PTBP3: variants seen among roughly 807,000 people sequenced by gnomAD.
PTBP3 encodes the protein polypyrimidine tract binding protein 3, also known as polypyrimidine tract-binding protein 3.
Under a neutral mutation model 58.7 loss-of-function variants are expected in PTBP3, and 20 were observed. The observed-to-expected ratio is 0.34, with a 90% CI of 0.24 to 0.50. The LOEUF is 0.50. Ranked by LOEUF, PTBP3 falls within the 20% of genes least tolerant of loss-of-function variation. PTBP3 has a pLI of 0.98. For synonymous variants in PTBP3, 185 were observed against 219.8 expected (o/e 0.84, Z 1.40); for missense variants, 509 against 637.2 (o/e 0.80, Z 2.17).
intron 8 of PTBP3, among the ~76,000 whole-genome samples, chr9:112,232,656 C>A (rs1051376888): frequency 3.3e-5 from 5 of 152,092 alleles, no homozygotes; most frequent in African/African-American, 1.2e-4. Context: ...AGCAGAAAGT[C>A]AAAAACATGC....
At chr9:112,360,081 A>C in the PTBP3 span, among the ~76,000 whole-genome samples, 34 of 152,330 alleles carry the variant, frequency 2.2e-4, no homozygotes, top group African/African-American at 7.9e-4. Context: ...TTACTAATTA[A>C]ATAATGACTG....
intron 1 of PTBP3, among the ~76,000 whole-genome samples, chr9:112,333,202 G>A (rs567709482): frequency 6.6e-6 from 1 of 152,300 alleles, no homozygotes; most frequent in African/African-American, 2.4e-5. Context: ...GCTTTCCTCT[G>A]CTCCCGGGTG....
chr9:112,251,583 ACCTACCACTTATTTTTTTC>A (rs1431133317), intron 6 of PTBP3, among the ~76,000 whole-genome samples: 1 of 152,154 alleles, frequency 6.6e-6, no homozygotes, highest in East Asian at 1.9e-4. Context: ...ATAAAATATT[ACCTACCACTTATTTTTTTC>A]TCTTGTAAAT....
chr9:112,371,258 C>T, the PTBP3 span, among the ~76,000 whole-genome samples: 3 of 152,196 alleles, frequency 2.0e-5, no homozygotes, highest in African/African-American at 7.2e-5. Flanking sequence ...GCAGTTCTCC[C>T]CAACCTCTGT....
At chr9:112,329,496 C>G (rs1239521383) in intron 1 of PTBP3, among the ~76,000 whole-genome samples, 2 of 152,084 alleles carry the variant, frequency 1.3e-5, no homozygotes, top group Non-Finnish European at 2.9e-5. Flanking sequence ...TTATAAAATA[C>G]TAATTATCCA....
chr9:112,339,697 G>C, the PTBP3 span, among the ~76,000 whole-genome samples: 1 of 151,656 alleles, frequency 6.6e-6, no homozygotes, highest in Non-Finnish European at 1.5e-5. Flanking sequence ...CCAAGTAGCT[G>C]GGATTACAGG....
chr9:112,338,951 T>C, the PTBP3 span, among the ~76,000 whole-genome samples: 612 of 152,316 alleles, frequency 4.0e-3, 4 homozygotes, highest in African/African-American at 0.014. Context: ...CAAAGTTGCA[T>C]TGGGCTTTCT....
chr9:112,312,169 T>C (rs576188284), intron 1 of PTBP3, among the ~76,000 whole-genome samples: 8 of 151,856 alleles, frequency 5.3e-5, no homozygotes, highest in Admixed American at 2.6e-4. Flanking sequence ...GAAAAGAAAA[T>C]TGGTAACTTT....
intron 7 of PTBP3, 146 bp from the exon 8 acceptor site, chr9:112,235,043 G>T: frequency 1.6e-6 from 1 of 627,964 alleles, no homozygotes; most frequent in South Asian, 2.7e-5. Context: ...GATCTTTAAC[G>T]TATAAAAAGA....
At chr9:112,274,257 T>A (rs541768337) in intron 3 of PTBP3, among the ~76,000 whole-genome samples, 3 of 152,334 alleles carry the variant, frequency 2.0e-5, no homozygotes, top group African/African-American at 7.2e-5. Context: ...AACTCAGACA[T>A]CATCATCCAA....
At chr9:112,271,075 C>T (rs1294139175) in intron 3 of PTBP3, among the ~76,000 whole-genome samples, 2 of 152,096 alleles carry the variant, frequency 1.3e-5, no homozygotes, top group African/African-American at 4.8e-5. Flanking sequence ...GATCTGCCCA[C>T]CTCAGCCTCC....
rs1834860369 is a variant in PTBP3 at position 112,223,156 on chromosome 9, T to G, written c.*695A>C. 1.1e-6 allele frequency: 1 copy of G among 901,370 alleles called. No homozygotes were observed. Among genetic ancestry groups the G allele is most frequent in the Non-Finnish European group, 1.3e-6 (1 of 753,218 alleles). 55.8% of individuals were successfully genotyped at this position (901,370 alleles called of 1,614,324 possible). On this transcript the variant is annotated 3_prime_UTR_variant, in exon 14 of 14. Transcript: ENST00000374257. ...TAACAGATCTTAGTTGAATTCCACT[T>G]AATTTCCCTGGGGACAGCTGAGACA...
At chr9:112,297,780 A>G (rs1828752088) in intron 2 of PTBP3, 52 bp downstream of exon 2, 20 of 1,406,692 alleles carry the variant, frequency 1.4e-5, no homozygotes, top group Non-Finnish European at 1.7e-5. Flanking sequence ...ATTGTAAAAA[A>G]ACAATTTGAA....
At chr9:112,363,787 C>T in the PTBP3 span, among the ~76,000 whole-genome samples, 3 of 152,146 alleles carry the variant, frequency 2.0e-5, no homozygotes, top group Non-Finnish European at 2.9e-5. Flanking sequence ...ACTCCCTCCT[C>T]CACCATTAAC....
the PTBP3 span, among the ~76,000 whole-genome samples, chr9:112,377,721 G>A: frequency 2.6e-5 from 4 of 152,200 alleles, no homozygotes; most frequent in Non-Finnish European, 5.9e-5. Flanking sequence ...CTGAGAAGGG[G>A]TGAAATGAGT....
At chr9:112,339,509 GTTAT>G in the PTBP3 span, among the ~76,000 whole-genome samples, 3 of 149,450 alleles carry the variant, frequency 2.0e-5, no homozygotes, top group African/African-American at 7.4e-5. Context: ...TTGGATTGTT[GTTAT>G]TTTTTTTCTT....
At chr9:112,301,213 C>A (rs1049882255) in intron 1 of PTBP3, among the ~76,000 whole-genome samples, 7 of 151,912 alleles carry the variant, frequency 4.6e-5, no homozygotes, top group African/African-American at 7.3e-5. Flanking sequence ...CCAAAGAAGG[C>A]CAGTAAGTAC....
Position 112,275,205 on chromosome 9 carries a change from G to A in PTBP3, c.204+639C>T, listed in dbSNP as rs184183023. ...GGCTGGAGTGCAATGGCACCATCTCGGCTCACTGCATCCTCCACCTCCCAG... is the reference window on the plus strand; with the variant it reads ...GGCTGGAGTGCAATGGCACCATCTCAGCTCACTGCATCCTCCACCTCCCAG... On this transcript the variant is annotated intron_variant, in intron 3 of 13. Coordinates refer to ENST00000374257, the MANE Select transcript of PTBP3 (RefSeq NM_001163788.4). Among the ~76,000 whole-genome samples, 252 of 151,398 alleles carry A rather than the reference G, an allele frequency of 1.7e-3. 1 individual carries two copies. Among genetic ancestry groups the A allele is most frequent in the African/African-American group, 5.8e-3 (240 of 41,190 alleles).
At chr9:112,232,016 G>GAAGAGAAGAA (rs1835256956) in intron 9 of PTBP3, 83 bp downstream of exon 9, 3 of 148,226 alleles carry the variant, frequency 2.0e-5, no homozygotes, top group East Asian at 1.4e-4. Context: ...GAAGAGAAGA[G>GAAGAGAAGAA]AAGAAAAGAA....
Sources: gnomAD v4.1 joint callset for allele counts (sites outside exome capture counted in the v4.1 genomes callset) on GRCh38, gnomAD v4.1.1 for gene constraint, MANE v1.5 for transcripts, NCBI Gene and HGNC (gene_info 2026-07-23, HGNC 2026-07-21) for gene names.